The following MIS18A variants were observed in gnomAD, a reference collection of about 807,000 sequenced individuals.
MIS18A encodes the protein protein Mis18-alpha.
Under a neutral mutation model 25.0 loss-of-function variants are expected in MIS18A, and 14 were observed. That is an observed-to-expected ratio of 0.56 (90% CI 0.37 to 0.88). The LOEUF (loss-of-function observed/expected upper bound fraction) is 0.88, where lower values mean the gene tolerates loss of function less well. MIS18A is among the 40% of genes least tolerant of loss of function. The probability of loss-of-function intolerance (pLI) is 0.00; values close to 1 mark genes in which losing one functional copy is unlikely to be tolerated. For synonymous variants in MIS18A, 134 were observed against 118.6 expected, an observed-to-expected ratio of 1.13 and a Z score of -0.84; for missense variants, 292 against 290.8, an observed-to-expected ratio of 1.00 and a Z score of -0.03.
the MIS18A span, among the ~76,000 whole-genome samples, chr21:32,188,248 G>T: frequency 6.6e-6 from 1 of 152,222 alleles, no homozygotes; most frequent in Non-Finnish European, 1.5e-5. Flanking sequence ...TTTCATGCAT[G>T]TTGGCAGAAC....
the MIS18A span, among the ~76,000 whole-genome samples, chr21:32,188,130 G>A: frequency 4.8e-3 from 732 of 152,286 alleles, 6 homozygotes; most frequent in Admixed American, 8.4e-3. Context: ...CCTTGATCTT[G>A]GACTTCCAGC....
the MIS18A span, among the ~76,000 whole-genome samples, chr21:32,236,338 G>A: frequency 2.0e-5 from 3 of 151,982 alleles, no homozygotes; most frequent in Admixed American, 6.6e-5. Flanking sequence ...AGCTAAGATC[G>A]CACCACCGCA....
At chr21:32,159,328 A>AT in the MIS18A span, among the ~76,000 whole-genome samples, 7 of 152,310 alleles carry the variant, frequency 4.6e-5, no homozygotes, top group South Asian at 1.4e-3. Context: ...TCTATTAACC[A>AT]TTTTTATAGC....
chr21:32,274,707 A>G, intron 2 of MIS18A, 123 bp downstream of exon 2: 1 of 749,804 alleles, frequency 1.3e-6, no homozygotes. Flanking sequence ...TATGCGAACG[A>G]CTGATTTTTT....
At chr21:32,241,340 T>C in the MIS18A span, among the ~76,000 whole-genome samples, 1 of 151,474 alleles carries the variant, frequency 6.6e-6, no homozygotes, top group African/African-American at 2.4e-5. Context: ...ACTGCTTTAT[T>C]TGAAGAAGCA....
the MIS18A span, among the ~76,000 whole-genome samples, chr21:32,155,174 GGGAT>G: frequency 1.3e-5 from 2 of 152,104 alleles, no homozygotes; most frequent in East Asian, 1.9e-4. Flanking sequence ...TTTTATGGTT[GGGAT>G]GGATGCAAAA....
downstream of MIS18A, among the ~76,000 whole-genome samples, chr21:32,266,254 G>A (rs2031598076): frequency 6.6e-6 from 1 of 152,132 alleles, no homozygotes; most frequent in Non-Finnish European, 1.5e-5. Context: ...ATCTGATGGG[G>A]ACGTGGAGAA....
the MIS18A span, among the ~76,000 whole-genome samples, chr21:32,231,573 C>CA: frequency 6.6e-6 from 1 of 152,130 alleles, no homozygotes; most frequent in Non-Finnish European, 1.5e-5. Context: ...TTTGAACGCT[C>CA]ATATGCTGCT....
downstream of MIS18A, among the ~76,000 whole-genome samples, chr21:32,265,005 T>C (rs2031566086): frequency 1.3e-5 from 2 of 152,082 alleles, no homozygotes; most frequent in Non-Finnish European, 2.9e-5. Flanking sequence ...GCATACCAGG[T>C]TCTGGAATCA....
the MIS18A span, among the ~76,000 whole-genome samples, chr21:32,257,321 G>A: frequency 2.0e-5 from 3 of 152,218 alleles, no homozygotes; most frequent in Non-Finnish European, 4.4e-5. Flanking sequence ...AGCCAGAGAT[G>A]CTGTTAAATA....
the MIS18A span, among the ~76,000 whole-genome samples, chr21:32,187,372 C>T: frequency 1.2e-4 from 18 of 152,132 alleles, no homozygotes; most frequent in African/African-American, 1.7e-4. Context: ...TGGATGATTC[C>T]GCACCAAGGT....
At chr21:32,161,456 G>A in the MIS18A span, among the ~76,000 whole-genome samples, 16 of 151,358 alleles carry the variant, frequency 1.1e-4, no homozygotes, top group Admixed American at 1.1e-3. Flanking sequence ...GCAACACAGG[G>A]CTGCATTTGG....
chr21:32,244,735 A>AAACCAACC, the MIS18A span, among the ~76,000 whole-genome samples: 1 of 152,166 alleles, frequency 6.6e-6, no homozygotes, highest in Admixed American at 6.5e-5. Flanking sequence ...CCTGTCTCAG[A>AAACCAACC]AACCAACCAA....
chr21:32,167,851 T>C, the MIS18A span, among the ~76,000 whole-genome samples: 2 of 152,126 alleles, frequency 1.3e-5, no homozygotes, highest in Non-Finnish European at 2.9e-5. Context: ...GAGAAAAATA[T>C]ATATATTATT....
chr21:32,245,154 C>T, the MIS18A span, among the ~76,000 whole-genome samples: 13 of 152,288 alleles, frequency 8.5e-5, no homozygotes, highest in Non-Finnish European at 1.9e-4. Flanking sequence ...TTTCATGATC[C>T]TATTTAATGT....
At chr21:32,170,450 A>G in the MIS18A span, among the ~76,000 whole-genome samples, 4 of 152,174 alleles carry the variant, frequency 2.6e-5, no homozygotes, top group Non-Finnish European at 4.4e-5. Flanking sequence ...TATAGAAAAT[A>G]TAAGAAATGG....
At chr21:32,245,778 CT>C in the MIS18A span, among the ~76,000 whole-genome samples, 1 of 152,174 alleles carries the variant, frequency 6.6e-6, no homozygotes, top group Non-Finnish European at 1.5e-5. Flanking sequence ...CTGATCTTTC[CT>C]TCTATGAGTC....
the MIS18A span, among the ~76,000 whole-genome samples, chr21:32,208,811 C>T: frequency 6.6e-6 from 1 of 152,190 alleles, no homozygotes; most frequent in Admixed American, 6.5e-5. Context: ...TTATTGATAG[C>T]AGGTGGCACA....
the MIS18A span, among the ~76,000 whole-genome samples, chr21:32,214,838 C>T: frequency 6.6e-6 from 1 of 152,206 alleles, no homozygotes; most frequent in South Asian, 2.1e-4. Flanking sequence ...GACTCACCTG[C>T]CCAGTGATCA....
Sources: gnomAD v4.1 joint callset for allele counts (sites outside exome capture counted in the v4.1 genomes callset) on GRCh38, gnomAD v4.1.1 for gene constraint, MANE v1.5 for transcripts, NCBI Gene and HGNC (gene_info 2026-07-23, HGNC 2026-07-21) for gene names.